Variants in TEX48 observed in about 807,000 individuals in gnomAD.
The protein encoded by TEX48 is testis expressed 48.
TEX48 carries 10 observed loss-of-function variants against 13.2 expected under a neutral mutation model. The ratio of observed to expected loss-of-function variants is 0.75; its 90% CI spans 0.47 to 1.28. The LOEUF (loss-of-function observed/expected upper bound fraction) is 1.28. TEX48 is among the 50% of genes most tolerant of loss of function. The pLI, the probability that TEX48 is intolerant of heterozygous loss-of-function variation, is 0.00. For synonymous variants in TEX48, 45 were observed against 52.3 expected (o/e 0.86, Z 0.60); for missense variants, 116 against 139.4 (o/e 0.83, Z 0.84).
chr9:114,676,140 G>A (rs761518614), intron 1 of TEX48, among the ~76,000 whole-genome samples: 3 of 152,090 alleles, frequency 2.0e-5, no homozygotes, highest in South Asian at 4.1e-4. Context: ...ACTAGTTCAT[G>A]AGCTTTTTCC....
rs201283065 is a variant in TEX48, at chr9:114,677,763, C to CT, written c.-105+4271dup. ...CTTGGTAAATCATAAAAGAAGGTCA[C>CT]TTTTTTTTTTTAGCTTATATTCGGG... On this transcript the variant is annotated intron_variant, in intron 1 of 4. Coordinates refer to ENST00000436752, the MANE Select transcript of TEX48 (RefSeq NM_001199233.2). Among the ~76,000 whole-genome samples, 260 of 146,696 alleles carry CT rather than the reference C, an allele frequency of 1.8e-3. 1 individual carries two copies. Among genetic ancestry groups the CT allele is most frequent in the Non-Finnish European group, 2.2e-3 (147 of 66,106 alleles).
At chr9:114,680,121 CTTTTTTT>C (rs1222465975) in intron 1 of TEX48, among the ~76,000 whole-genome samples, 5 of 44,592 alleles carry the variant, frequency 1.1e-4, no homozygotes, top group East Asian at 1.3e-3. Flanking sequence ...GTCATTGTCC[CTTTTTTT>C]TTTTTTTTTT....
chr9:114,670,118 A>C (rs1052015908), intron 3 of TEX48, among the ~76,000 whole-genome samples: 1 of 152,182 alleles, frequency 6.6e-6, no homozygotes, highest in African/African-American at 2.4e-5. Flanking sequence ...TCTGCTTCTT[A>C]GAGTTATCAT....
chr9:114,669,196 A>G (rs1038376548), intron 3 of TEX48, among the ~76,000 whole-genome samples: 2 of 152,226 alleles, frequency 1.3e-5, no homozygotes, highest in African/African-American at 2.4e-5. Context: ...TCATGTCACT[A>G]AATTTAAAAA....
intron 1 of TEX48, 96 bp downstream of exon 1, chr9:114,681,939 T>TG (rs775315346): frequency 8.5e-5 from 13 of 152,170 alleles, no homozygotes; most frequent in Admixed American, 7.2e-4. Context: ...TGGAGCAAAA[T>TG]GAATAGGTGT....
chr9:114,672,020 C>T (rs1299262727), intron 1 of TEX48, among the ~76,000 whole-genome samples, 193 bp from the exon 2 acceptor site: 3 of 152,188 alleles, frequency 2.0e-5, no homozygotes, highest in Non-Finnish European at 4.4e-5. Flanking sequence ...CCTTTTTGAA[C>T]TTCACTTTTA....
intron 4 of TEX48, among the ~76,000 whole-genome samples, chr9:114,667,696 C>T (rs1370367733): frequency 7.9e-5 from 12 of 152,010 alleles, no homozygotes; most frequent in Admixed American, 5.2e-4. Flanking sequence ...GTCAGGAGTT[C>T]GTGACCAGCC....
chr9:114,672,891 A>G (rs1827975193), intron 1 of TEX48, among the ~76,000 whole-genome samples: 1 of 152,212 alleles, frequency 6.6e-6, no homozygotes, highest in African/African-American at 2.4e-5. Context: ...TGTATTGGGT[A>G]GGGTTAACAA....
intron 1 of TEX48, among the ~76,000 whole-genome samples, chr9:114,672,907 T>C (rs1181209893): frequency 6.6e-6 from 1 of 152,110 alleles, no homozygotes; most frequent in Non-Finnish European, 1.5e-5. Flanking sequence ...AACAACAGAT[T>C]GGACAAAGCA....
chr9:114,671,626 C>G, intron 2 of TEX48, 94 bp downstream of exon 2: 1 of 1,527,208 alleles, frequency 6.5e-7, no homozygotes, highest in Non-Finnish European at 8.8e-7. Context: ...TAATATAATA[C>G]TCCTCCCCTC....
Position 114,681,097 on chromosome 9 carries a change from C to A in TEX48, c.-105+938G>T, listed in dbSNP as rs571753553. On this transcript the variant is annotated intron_variant, in intron 1 of 4. Coordinates refer to ENST00000436752, the MANE Select transcript of TEX48 (RefSeq NM_001199233.2). ...GGATATACAAGAAAATGTAGTTATT[C>A]AAATTCTCTTTTTCTCTCTTTTTAA... Among the ~76,000 whole-genome samples the A allele has an allele frequency of 3.9e-5, 6 of 152,292 alleles. 1 individual carries two copies. The South Asian group carries it at 1.2e-3, about 32-fold the overall frequency.
intron 1 of TEX48, among the ~76,000 whole-genome samples, chr9:114,676,936 C>T (rs745984402): frequency 1.2e-4 from 19 of 152,128 alleles, no homozygotes; most frequent in Non-Finnish European, 1.9e-4. Context: ...TTTGTATCCT[C>T]AGCACTCAGC....
At chr9:114,668,762 CA>C (rs1354325184) in intron 3 of TEX48, among the ~76,000 whole-genome samples, 2 of 152,186 alleles carry the variant, frequency 1.3e-5, no homozygotes, top group Admixed American at 6.5e-5. Context: ...AAGTTATTAT[CA>C]CAGTTCCAGT....
intron 4 of TEX48, among the ~76,000 whole-genome samples, chr9:114,667,927 A>AAAAG (rs71492790): frequency 1.3e-5 from 2 of 150,798 alleles, no homozygotes; most frequent in Non-Finnish European, 3.0e-5. Flanking sequence ...AAAAAAAAAA[A>AAAAG]GATGATGCCA....
intron 3 of TEX48, among the ~76,000 whole-genome samples, chr9:114,669,639 C>A (rs1456841629): frequency 6.6e-6 from 1 of 152,094 alleles, no homozygotes; most frequent in Non-Finnish European, 1.5e-5. Flanking sequence ...CGGGGTTTCT[C>A]CATGTTGGTC....
intron 1 of TEX48, among the ~76,000 whole-genome samples, chr9:114,678,488 T>A (rs1828119759): frequency 6.6e-6 from 1 of 152,258 alleles, no homozygotes; most frequent in Admixed American, 6.5e-5. Context: ...ATATCCTGTG[T>A]AATTCAGGAT....
At chr9:114,672,154 C>T (rs1470101741) in intron 1 of TEX48, among the ~76,000 whole-genome samples, 1 of 152,180 alleles carries the variant, frequency 6.6e-6, no homozygotes, top group Non-Finnish European at 1.5e-5. Flanking sequence ...CCATTTTCCT[C>T]CCTTCTCTTT....
chr9:114,677,395 ACAGG>A (rs1828096051), intron 1 of TEX48, among the ~76,000 whole-genome samples: 1 of 152,202 alleles, frequency 6.6e-6, no homozygotes, highest in Non-Finnish European at 1.5e-5. Flanking sequence ...AGAAATTTAT[ACAGG>A]CAGTTAGATC....
chr9:114,674,942 G>A (rs1434179295), intron 1 of TEX48, among the ~76,000 whole-genome samples: 2 of 151,314 alleles, frequency 1.3e-5, no homozygotes, highest in African/African-American at 4.9e-5. Flanking sequence ...AAGTGCTGGG[G>A]TTACAGGTGT....
Sources: gnomAD v4.1 joint callset for allele counts (sites outside exome capture counted in the v4.1 genomes callset) on GRCh38, gnomAD v4.1.1 for gene constraint, MANE v1.5 for transcripts, NCBI Gene and HGNC (gene_info 2026-07-23, HGNC 2026-07-21) for gene names.